The following SIAH1 variants were observed in gnomAD, a reference collection of about 807,000 sequenced individuals.
SIAH1 encodes the protein siah E3 ubiquitin protein ligase 1, also known as E3 ubiquitin-protein ligase SIAH1.
A neutral mutation model predicts 20.0 loss-of-function variants in SIAH1; 2 were observed. The ratio of observed to expected loss-of-function variants is 0.10; its 90% confidence interval spans 0.04 to 0.31. SIAH1 has a LOEUF of 0.31. Among genes scored for constraint, SIAH1 ranks in the 10% least tolerant of loss-of-function variants. The pLI, the probability that SIAH1 is intolerant of heterozygous loss-of-function variation, is 1.00. For synonymous variants in SIAH1, 118 were observed against 125.3 expected (o/e 0.94, Z 0.39); for missense variants, 119 against 355.3 (o/e 0.33, Z 5.35).
At chr16:48,373,656 T>C (rs1201202297) in intron 1 of SIAH1, among the ~76,000 whole-genome samples, 1 of 152,174 alleles carries the variant, frequency 6.6e-6, no homozygotes, top group African/African-American at 2.4e-5. Flanking sequence ...CCTCACCACC[T>C]AATATGTTCT....
chr16:48,360,829 CA>C lies in SIAH1; in HGVS notation c.*750del, dbSNP rs1336688230. 6.6e-6 allele frequency: 1 copy of C among 152,184 alleles called. No individual in the cohort carries two copies. The highest frequency in any genetic ancestry group is 1.9e-4 in the East Asian group (1 of 5,206). 9.4% of individuals were successfully genotyped at this position (152,184 alleles called of 1,614,324 possible). On this transcript the variant is annotated 3_prime_UTR_variant, in exon 2 of 2. Transcript: ENST00000394725. ...TCATCTGTAGAAGACAGAAAGAGAG[CA>C]CCTTATAGATGCTTTAAATAGCTTT... is the stretch of plus-strand genomic sequence containing the variant.
At position 48,362,546 on chromosome 16, in the gene SIAH1, A is replaced by G. The variant is rs1019348510; in HGVS notation, c.-2-116T>C. On this transcript the variant is annotated intron_variant, in intron 1 of 1. Coordinates refer to ENST00000394725, the MANE Select transcript of SIAH1 (RefSeq NM_003031.4). The surrounding 1 kb of genome is among the most constrained non-coding windows in gnomAD (Gnocchi z 4.2). ...AGTTTCATACAAAATTTACTGAGCAAAAGAGGAAGAAAAATAGGATTAAAA... is the reference window on the plus strand; with the variant it reads ...AGTTTCATACAAAATTTACTGAGCAGAAGAGGAAGAAAAATAGGATTAAAA... 5.1e-6 allele frequency: 5 copies of G among 984,856 alleles called. No individual in the cohort carries two copies. Among genetic ancestry groups the G allele is most frequent in the South Asian group, 1.7e-5 (1 of 59,970 alleles). The allele number at this position is 984,856 out of a possible 1,614,324, so 61.0% of individuals were successfully genotyped here. A position where few individuals can be genotyped will look rare whatever the true frequency, so the allele number is the denominator to read the frequency against.
intron 1 of SIAH1, among the ~76,000 whole-genome samples, chr16:48,380,961 A>G (rs1217495295): frequency 6.7e-6 from 1 of 149,536 alleles, no homozygotes; most frequent in Non-Finnish European, 1.5e-5. Context: ...GCTAAAATCC[A>G]GAACAGTGGT....
chr16:48,378,197 CAA>C (rs1961162624), intron 1 of SIAH1, among the ~76,000 whole-genome samples: 1 of 152,032 alleles, frequency 6.6e-6, no homozygotes, highest in African/African-American at 2.4e-5. Flanking sequence ...ACTAAAAACA[CAA>C]AAAATTAGCC....
chr16:48,367,612 T>C lies in SIAH1; in HGVS notation c.-2-5182A>G, dbSNP rs147435892. ...ATTTAAGTTTTCAGCTGAGACCTGATTTAATTGCCAAGTCATCAATTAGTC... is the reference window on the plus strand; with the variant it reads ...ATTTAAGTTTTCAGCTGAGACCTGACTTAATTGCCAAGTCATCAATTAGTC... On this transcript the variant is annotated intron_variant, in intron 1 of 1. Coordinates refer to ENST00000394725, the MANE Select transcript of SIAH1 (RefSeq NM_003031.4). 1.1e-4 allele frequency among the ~76,000 whole-genome samples: 16 copies of C among 152,362 alleles called. No homozygotes were observed. The East Asian group carries it at 2.5e-3, about 24-fold the overall frequency.
chr16:48,372,136 T>C (rs148807510), intron 1 of SIAH1, among the ~76,000 whole-genome samples: 115 of 152,156 alleles, frequency 7.6e-4, no homozygotes, highest in Non-Finnish European at 1.3e-3. Flanking sequence ...AGAAACAGGG[T>C]AAAAAGTCAC....
intron 1 of SIAH1, chr16:48,365,716 A>G (rs1228704409): frequency 2.1e-6 from 3 of 1,422,392 alleles, no homozygotes; most frequent in African/African-American, 2.9e-5. Flanking sequence ...AATGGGAGCC[A>G]CAGCTGCGCT....
chr16:48,365,406 G>C (rs1397822363), intron 1 of SIAH1: 10 of 1,613,818 alleles, frequency 6.2e-6, no homozygotes, highest in Non-Finnish European at 7.6e-6. Context: ...TCCTTGTCCT[G>C]GCCGCTGGTA....
chr16:48,365,231 A>C, intron 1 of SIAH1: 1 of 747,316 alleles, frequency 1.3e-6, no homozygotes, highest in East Asian at 2.7e-5. Flanking sequence ...AGTTTGATTT[A>C]AACAGAAAAA....
chr16:48,369,713 C>A (rs1828762940), intron 1 of SIAH1, among the ~76,000 whole-genome samples: 2 of 152,170 alleles, frequency 1.3e-5, no homozygotes, highest in African/African-American at 2.4e-5. Flanking sequence ...CAGAGTGAGA[C>A]CCTGTCTGGG....
Position 48,380,626 on chromosome 16 carries a change from G to GT in SIAH1, c.-3+4577dup, listed in dbSNP as rs775780774. Among the ~76,000 whole-genome samples, 11 of 151,284 alleles carry GT rather than the reference G, an allele frequency of 7.3e-5. No individual in the cohort carries two copies. The South Asian group carries it at 1.3e-3, about 17-fold the overall frequency. ...ATCACGGAAATGCAAATTTAAAACA[G>GT]TAAGATACCACTACAGGCCAGGCGC... On this transcript the variant is annotated intron_variant, in intron 1 of 1. Transcript: ENST00000394725.
At chr16:48,378,039 GA>G (rs1435383895) in intron 1 of SIAH1, among the ~76,000 whole-genome samples, 1 of 152,156 alleles carries the variant, frequency 6.6e-6, no homozygotes, top group African/African-American at 2.4e-5. Context: ...AATGTTGAGT[GA>G]AAGAAGCCAA....
chr16:48,376,773 C>T (rs923765040), intron 1 of SIAH1, among the ~76,000 whole-genome samples: 3 of 152,102 alleles, frequency 2.0e-5, no homozygotes, highest in Non-Finnish European at 2.9e-5. Flanking sequence ...ACAAGATATC[C>T]GAAGTTGTTC....
intron 1 of SIAH1, among the ~76,000 whole-genome samples, chr16:48,373,462 T>G (rs1961032600): frequency 6.6e-6 from 1 of 152,188 alleles, no homozygotes; most frequent in African/African-American, 2.4e-5. Flanking sequence ...GATTCTTCTC[T>G]TTCACAACAT....
intron 1 of SIAH1, among the ~76,000 whole-genome samples, chr16:48,371,469 C>T (rs750820741): frequency 3.3e-5 from 5 of 152,172 alleles, no homozygotes; most frequent in African/African-American, 4.8e-5. Context: ...TTAAATTAAA[C>T]CTTTACTTTC....
chr16:48,374,500 A>G (rs999851813), intron 1 of SIAH1, among the ~76,000 whole-genome samples: 1 of 152,210 alleles, frequency 6.6e-6, no homozygotes, highest in African/African-American at 2.4e-5. Flanking sequence ...AAGCTCCTGG[A>G]AGATAAGCTC....
At chr16:48,379,881 C>T (rs1449184812) in intron 1 of SIAH1, among the ~76,000 whole-genome samples, 2 of 152,126 alleles carry the variant, frequency 1.3e-5, no homozygotes, top group African/African-American at 4.8e-5. Flanking sequence ...ACAAGAGAGG[C>T]CAGCTCAGGA....
chr16:48,366,246 A>G (rs1960837347), intron 1 of SIAH1, among the ~76,000 whole-genome samples: 1 of 152,258 alleles, frequency 6.6e-6, no homozygotes, highest in East Asian at 1.9e-4. Context: ...GCTACAGCGT[A>G]TCTGGGAAAT....
At chr16:48,376,024 G>T (rs557568765) in intron 1 of SIAH1, among the ~76,000 whole-genome samples, 30 of 152,278 alleles carry the variant, frequency 2.0e-4, no homozygotes, top group Admixed American at 3.3e-4. Flanking sequence ...AACATATATA[G>T]TTCTTAGAGA....
Sources: allele counts gnomAD v4.1 joint callset (sites outside exome capture counted in the v4.1 genomes callset), GRCh38; gene constraint gnomAD v4.1.1; non-coding constraint Gnocchi (gnomAD v3.1); transcripts MANE v1.5; gene names NCBI Gene and HGNC (gene_info 2026-07-23, HGNC 2026-07-21).